Variants in PXDC1 observed in about 807,000 individuals in gnomAD.
The protein encoded by PXDC1 is PX domain containing 1.
PXDC1 carries 13 observed loss-of-function variants against 24.4 expected under a neutral mutation model. That is an observed-to-expected ratio of 0.53 (90% confidence interval 0.35 to 0.85). PXDC1 has a LOEUF of 0.85. Ranked by LOEUF, PXDC1 falls within the 40% of genes least tolerant of loss-of-function variation. The pLI is 0.01. For missense variants in PXDC1, 344 were observed against 309.3 expected (o/e 1.11, Z -0.84); for synonymous variants, 162 against 124.9 (o/e 1.30, Z -1.98).
At chr6:3,750,565 G>A (rs1276436604) in intron 1 of PXDC1, among the ~76,000 whole-genome samples, 2 of 152,182 alleles carry the variant, frequency 1.3e-5, no homozygotes, top group East Asian at 1.9e-4. Context: ...CGGGCAGAGC[G>A]GTAGGAAAAG....
chr6:3,738,814 G>A lies in PXDC1; in HGVS notation c.257-666C>T, dbSNP rs761437705. ...AAAATACCATAGCTCGAGGCATGAA[G>A]GCTCGGGTGCTTTTCTATCTCCCCA... is the stretch of plus-strand genomic sequence containing the variant. On this transcript the variant is annotated intron_variant, in intron 1 of 4. Coordinates refer to ENST00000380283, the MANE Select transcript of PXDC1 (RefSeq NM_183373.4). 1.3e-5 allele frequency: 17 copies of A among 1,303,118 alleles called. 2 individuals carry two copies. In the South Asian group the frequency reaches 2.1e-4, roughly 16 times the overall value. The allele number at this position is 1,303,118 out of a possible 1,614,324, so 80.7% of individuals were successfully genotyped here. A position where few individuals can be genotyped will look rare whatever the true frequency, so the allele number is the denominator to read the frequency against.
intron 1 of PXDC1, among the ~76,000 whole-genome samples, chr6:3,746,351 G>C (rs1378010404): frequency 6.6e-6 from 1 of 152,190 alleles, no homozygotes; most frequent in African/African-American, 2.4e-5. Flanking sequence ...TTTGGGCTTG[G>C]CAAAGAAAAG....
chr6:3,750,984 A>C, intron 1 of PXDC1: 1 of 364,532 alleles, frequency 2.7e-6, no homozygotes, highest in Non-Finnish European at 4.9e-6. Flanking sequence ...CCTCCTCGGA[A>C]GTGACTCGTC....
At chr6:3,746,990 T>C (rs1202766227) in intron 1 of PXDC1, among the ~76,000 whole-genome samples, 1 of 152,134 alleles carries the variant, frequency 6.6e-6, no homozygotes, top group Admixed American at 6.5e-5. Flanking sequence ...TCTCCTAGCA[T>C]GCAGGTAGAT....
Position 3,724,390 on chromosome 6 carries a change from C to T in PXDC1, c.579-654G>A, listed in dbSNP as rs1760009816. Among the ~76,000 whole-genome samples the T allele has an allele frequency of 6.6e-6, 1 of 152,094 alleles. No individual in the cohort carries two copies. The highest frequency in any genetic ancestry group is 6.5e-5 in the Admixed American group (1 of 15,274). On this transcript the variant is annotated intron_variant, in intron 4 of 4. Transcript: ENST00000380283. The surrounding 1 kb of genome is among the most constrained non-coding windows in gnomAD (Gnocchi z 4.5). ...CCAAACATAAGGGGACGTAAAAGCC[C>T]GCGATACTGACTCCCCACACACTGG... is the stretch of plus-strand genomic sequence containing the variant.
intron 1 of PXDC1, among the ~76,000 whole-genome samples, chr6:3,750,733 G>A (rs1338195466): frequency 1.3e-5 from 2 of 152,266 alleles, no homozygotes; most frequent in African/African-American, 4.8e-5. Context: ...GGGCGGGGCG[G>A]CCGCTCCGAG....
Position 3,751,535 on chromosome 6 carries a change from G to T in PXDC1, c.-4C>A. On this transcript the variant is annotated 5_prime_UTR_variant, in exon 1 of 5. Transcript: ENST00000380283. ...CCTCAAACACCGCCGAGGCCATGTC[G>T]CACGCATGCCCCCGCCAAGGGCTCC... 6.4e-7 allele frequency: 1 copy of T among 1,567,974 alleles called. No individual in the cohort carries two copies. The highest frequency in any genetic ancestry group is 8.6e-7 in the Non-Finnish European group (1 of 1,159,774).
chr6:3,742,472 C>T (rs1260074259), intron 1 of PXDC1, among the ~76,000 whole-genome samples: 1 of 152,180 alleles, frequency 6.6e-6, no homozygotes, highest in African/African-American at 2.4e-5. Context: ...CGGATGAATA[C>T]CGCAGGCAGG....
At chr6:3,746,418 G>A (rs1467306714) in intron 1 of PXDC1, among the ~76,000 whole-genome samples, 1 of 152,160 alleles carries the variant, frequency 6.6e-6, no homozygotes, top group Non-Finnish European at 1.5e-5. Flanking sequence ...TGGCCCCATG[G>A]GAGCCCTGGC....
intron 3 of PXDC1, among the ~76,000 whole-genome samples, chr6:3,732,716 GC>G (rs1391502381): frequency 2.0e-5 from 3 of 152,176 alleles, no homozygotes; most frequent in Non-Finnish European, 4.4e-5. Flanking sequence ...GCCTGCTAGC[GC>G]CGGGCGCCAT....
At chr6:3,736,767 G>GAAC (rs1760326026) in intron 3 of PXDC1, among the ~76,000 whole-genome samples, 1 of 152,210 alleles carries the variant, frequency 6.6e-6, no homozygotes, top group South Asian at 2.1e-4. Context: ...TCAGCAGGCT[G>GAAC]AACAGTGGAT....
chr6:3,735,902 C>CA, intron 3 of PXDC1, among the ~76,000 whole-genome samples: 1 of 152,234 alleles, frequency 6.6e-6, no homozygotes, highest in East Asian at 1.9e-4. Context: ...TCAGTAAAAA[C>CA]AAACAAAAAA....
intron 4 of PXDC1, 99 bp downstream of exon 4, chr6:3,727,452 T>C: frequency 1.3e-6 from 1 of 781,968 alleles, no homozygotes; most frequent in Non-Finnish European, 2.1e-6. Flanking sequence ...TGGGTGGCTC[T>C]GGGCACCCAC....
At chr6:3,748,594 C>G (rs1367663788) in intron 1 of PXDC1, among the ~76,000 whole-genome samples, 3 of 152,192 alleles carry the variant, frequency 2.0e-5, no homozygotes, top group African/African-American at 7.2e-5. Flanking sequence ...AAAGCACATT[C>G]TCCCCCACTG....
In PXDC1 at chr6:3,727,556, C is replaced by T; in HGVS notation, c.573G>A (p.Glu191=). The T allele has an allele frequency of 1.9e-6, 3 of 1,596,760 alleles. No homozygotes were observed. The highest frequency in any genetic ancestry group is 2.6e-6 in the Non-Finnish European group (3 of 1,164,290). Residue 191 remains glutamate (E), a synonymous_variant, in exon 4 of 5, where the codon GAG becomes GAA. Coordinates refer to ENST00000380283, the MANE Select transcript of PXDC1 (RefSeq NM_183373.4). ...RDQQLGVDPT[E]HLFENGSEFP... ...ATTCAAATCAGCATACTTACAAATG[C>T]TCTGTTGGGTCCACGCCCAGCTGCT...
rs1157041547 is a variant in PXDC1 at position 3,724,457 on chromosome 6, G to A, written c.579-721C>T. Reference sequence around the variant, plus strand: ...TCTGCAGCCCAGGCAGACTTCCTACGTTAAGAAAAGAGACTCCAGGTCTTT... The same window carrying A: ...TCTGCAGCCCAGGCAGACTTCCTACATTAAGAAAAGAGACTCCAGGTCTTT... On this transcript the variant is annotated intron_variant, in intron 4 of 4. Transcript: ENST00000380283. This position sits in a 1 kb window ranked among gnomAD's most constrained non-coding sequence, Gnocchi z 4.5. Among the ~76,000 whole-genome samples, 2 of 152,134 alleles carry A rather than the reference G, an allele frequency of 1.3e-5. No homozygotes were observed. The highest frequency in any genetic ancestry group is 6.5e-5 in the Admixed American group (1 of 15,274).
chr6:3,751,391 G>T lies in PXDC1; in HGVS notation c.141C>A (p.Asp47Glu). 6.4e-7 allele frequency: 1 copy of T among 1,570,450 alleles called. No individual in the cohort carries two copies. ...TGCGGTGCAGGTAGAGCACGCTGCG[G>T]TCCGACCACTCCGTGCGGATCTCGA... ...EFFEIRTEWS[D>E]RSVLYLHRSL... Residue 47 changes from aspartate to glutamate, a missense_variant, in exon 1 of 5, where the codon GAC becomes GAA. Coordinates refer to ENST00000380283, the MANE Select transcript of PXDC1 (RefSeq NM_183373.4).
At chr6:3,727,526 A>C in intron 4 of PXDC1, 25 bp downstream of exon 4, 2 of 1,499,122 alleles carry the variant, frequency 1.3e-6, no homozygotes, top group Non-Finnish European at 1.9e-6. Flanking sequence ...AGTCTATGAA[A>C]CGATATTCAA....
rs1293958007 is a variant in PXDC1, at chr6:3,725,935, A to G, written c.578+1616T>C. On this transcript the variant is annotated intron_variant, in intron 4 of 4. Coordinates refer to ENST00000380283, the MANE Select transcript of PXDC1 (RefSeq NM_183373.4). The surrounding 1 kb of genome is among the most constrained non-coding windows in gnomAD (Gnocchi z 4.8). ...CCTCTCTGTGAGCCAGGCATCCCGG[A>G]GCAGGTGGCCGCCTATTCAAGACCT... Among the ~76,000 whole-genome samples the G allele has an allele frequency of 6.6e-6, 1 of 152,000 alleles. No individual in the cohort carries two copies. Among genetic ancestry groups the G allele is most frequent in the Non-Finnish European group, 1.5e-5 (1 of 67,994 alleles).
Sources: gnomAD v4.1 joint callset for allele counts (sites outside exome capture counted in the v4.1 genomes callset) on GRCh38, gnomAD v4.1.1 for gene constraint, Gnocchi (gnomAD v3.1) non-coding constraint, MANE v1.5 for transcripts, NCBI Gene and HGNC (gene_info 2026-07-23, HGNC 2026-07-21) for gene names.